HHIPL1: variants seen among roughly 807,000 people sequenced by gnomAD.
The protein encoded by HHIPL1 is HHIP-like protein 1.
A neutral mutation model predicts 61.8 loss-of-function variants in HHIPL1; 43 were observed. The ratio of observed to expected loss-of-function variants is 0.70; its 90% confidence interval spans 0.55 to 0.90. The LOEUF (loss-of-function observed/expected upper bound fraction) is 0.90, where lower values mean the gene tolerates loss of function less well. HHIPL1 is among the 40% of genes least tolerant of loss of function. HHIPL1 has a pLI of 0.00. For synonymous variants in HHIPL1, 482 were observed against 515.8 expected (o/e 0.93, Z 0.89); for missense variants, 1,056 against 1,157.7 (o/e 0.91, Z 1.28).
intron 6 of HHIPL1, among the ~76,000 whole-genome samples, chr14:99,664,045 T>A (rs1054881424): frequency 6.6e-6 from 1 of 152,130 alleles, no homozygotes; most frequent in Non-Finnish European, 1.5e-5. Flanking sequence ...CACTTGTCAA[T>A]GCAAGGGACA....
chr14:99,632,499 C>T, the HHIPL1 span, among the ~76,000 whole-genome samples: 1 of 152,172 alleles, frequency 6.6e-6, no homozygotes, highest in African/African-American at 2.4e-5. Context: ...CCCACATCTC[C>T]TCCTACCTCT....
At chr14:99,633,231 C>CAAGACCCTGCAGCCCAGAAGGT in the HHIPL1 span, among the ~76,000 whole-genome samples, 1 of 152,204 alleles carries the variant, frequency 6.6e-6, no homozygotes, top group Non-Finnish European at 1.5e-5. Flanking sequence ...GGAACCCCTG[C>CAAGACCCTGCAGCCCAGAAGGT]AAGACCCTGC....
chr14:99,665,268 T>A (rs1356815512), intron 6 of HHIPL1, among the ~76,000 whole-genome samples: 1 of 152,166 alleles, frequency 6.6e-6, no homozygotes, highest in Non-Finnish European at 1.5e-5. Context: ...TGCAGAAATG[T>A]GATTGGACAA....
At position 99,659,745 on chromosome 14, in the gene HHIPL1, A is replaced by G; in HGVS notation, c.1364A>G (p.Asn455Ser). The change falls in exon 4 of 9, where the codon AAC (asparagine) becomes AGC (serine). Residue 455 changes from asparagine (N) to serine (S), a missense_variant. Physicochemically the swap from Asn to Ser is conservative, Grantham distance 46. Coordinates refer to ENST00000330710, the MANE Select transcript of HHIPL1 (RefSeq NM_001127258.3). The part of the protein sequence containing the change: ...FECYDRSLCA[N>S]TSLNDLLPIF... ...TGCTACGACCGCAGCCTGTGCGCCA[A>G]CACCTCTCTCAGTGAGTGCCCGCGC... The G allele has an allele frequency of 7.0e-7, 1 of 1,431,910 alleles. No homozygotes were observed. The highest frequency in any genetic ancestry group is 9.1e-7 in the Non-Finnish European group (1 of 1,097,932). 88.7% of individuals were successfully genotyped at this position (1,431,910 alleles called of 1,614,324 possible).
intron 2 of HHIPL1, among the ~76,000 whole-genome samples, chr14:99,655,498 C>A (rs375020450): frequency 6.6e-6 from 1 of 152,190 alleles, no homozygotes; most frequent in South Asian, 2.1e-4. Context: ...GTGGCATGCA[C>A]CTGTAGTCTC....
the HHIPL1 span, among the ~76,000 whole-genome samples, chr14:99,611,328 C>T: frequency 6.7e-6 from 1 of 148,850 alleles, no homozygotes; most frequent in African/African-American, 2.5e-5. Flanking sequence ...GAGTCTCACT[C>T]TGTCACCCAG....
chr14:99,658,863 C>T (rs952531946), intron 3 of HHIPL1, among the ~76,000 whole-genome samples: 2 of 152,182 alleles, frequency 1.3e-5, no homozygotes, highest in Non-Finnish European at 1.5e-5. Context: ...GTCACAGTGC[C>T]GAGTACTGGA....
chr14:99,632,347 C>A, the HHIPL1 span, among the ~76,000 whole-genome samples: 1 of 152,308 alleles, frequency 6.6e-6, no homozygotes, highest in Non-Finnish European at 1.5e-5. Flanking sequence ...GAGCTCACTC[C>A]CTCTGGGGGA....
the HHIPL1 span, among the ~76,000 whole-genome samples, chr14:99,637,078 G>GAGAA: frequency 0.32 from 31,698 of 98,650 alleles, 5,748 homozygotes; most frequent in South Asian, 0.46. Flanking sequence ...AAGAAAGAGA[G>GAGAA]AGAAAGAAAG....
chr14:99,672,696 T>C (rs925683129), intron 8 of HHIPL1, among the ~76,000 whole-genome samples: 15 of 152,308 alleles, frequency 9.8e-5, no homozygotes, highest in African/African-American at 3.6e-4. Context: ...TGTATCTGTG[T>C]GTAAGCAAGG....
At chr14:99,650,123 G>T (rs553739778) in intron 1 of HHIPL1, among the ~76,000 whole-genome samples, 1 of 152,252 alleles carries the variant, frequency 6.6e-6, no homozygotes, top group South Asian at 2.1e-4. Context: ...GGGCCAGGAG[G>T]ACATGCTGTG....
At chr14:99,615,746 A>G in the HHIPL1 span, among the ~76,000 whole-genome samples, 1 of 152,072 alleles carries the variant, frequency 6.6e-6, no homozygotes, top group Non-Finnish European at 1.5e-5. Flanking sequence ...AAAAAAAGAC[A>G]TGAGATTCAG....
At chr14:99,643,783 G>T (rs9788569), upstream of HHIPL1, among the ~76,000 whole-genome samples, 4 of 152,198 alleles carry the variant, frequency 2.6e-5, no homozygotes, top group East Asian at 7.7e-4. Context: ...GGGAGAAGCC[G>T]GGGTATTTCT....
At chr14:99,612,758 C>T in the HHIPL1 span, among the ~76,000 whole-genome samples, 1 of 152,154 alleles carries the variant, frequency 6.6e-6, no homozygotes, top group East Asian at 1.9e-4. Context: ...CTCTGGGACT[C>T]TCAGTGCCTG....
rs1282332109 is a variant in HHIPL1 at position 99,645,474 on chromosome 14, C to T, written c.255+12C>T. On this transcript the variant is annotated intron_variant, in intron 1 of 8. Transcript: ENST00000330710. ...ACCTGCTGTGCCAGGTGAGCGGGCG[C>T]GCGGCCACCGGGCGGGGCGGGGCGC... The T allele has an allele frequency of 3.1e-6, 4 of 1,272,176 alleles. No homozygotes were observed. The highest frequency in any genetic ancestry group is 2.8e-5 in the South Asian group (1 of 35,518). 78.8% of individuals were successfully genotyped at this position (1,272,176 alleles called of 1,614,324 possible). A position where few individuals can be genotyped will look rare whatever the true frequency, so the allele number is the denominator to read the frequency against.
At chr14:99,656,081 G>A (rs2056022411) in intron 2 of HHIPL1, among the ~76,000 whole-genome samples, 1 of 152,236 alleles carries the variant, frequency 6.6e-6, no homozygotes, top group South Asian at 2.1e-4. Context: ...AGTAGGGTGA[G>A]TGTGGCGCTG....
chr14:99,630,966 T>C, the HHIPL1 span, among the ~76,000 whole-genome samples: 1 of 152,186 alleles, frequency 6.6e-6, no homozygotes, highest in African/African-American at 2.4e-5. Flanking sequence ...AAATGTCCCC[T>C]TCTGATAAGA....
Position 99,652,593 on chromosome 14 carries a change from T to G in HHIPL1, c.625T>G (p.Phe209Val). ...MVHARDGTHR[F>V]FVAEQVGLVW... ...CCATGCCAGGGATGGCACCCACCGC[T>G]TCTTCGTGGCCGAGCAGGTGGGGCT... Residue 209 changes from phenylalanine to valine, a missense_variant, in exon 2 of 9, where the codon TTC (phenylalanine) becomes GTC (valine). Physicochemically the swap from Phe to Val is conservative, Grantham distance 50. Coordinates refer to ENST00000330710, the MANE Select transcript of HHIPL1 (RefSeq NM_001127258.3). 1 of 1,613,274 alleles carries G rather than the reference T, an allele frequency of 6.2e-7. No individual in the cohort carries two copies. Among genetic ancestry groups the G allele is most frequent in the Non-Finnish European group, 8.5e-7 (1 of 1,179,840 alleles).
chr14:99,648,203 C>T (rs74529042), intron 1 of HHIPL1, among the ~76,000 whole-genome samples: 1 of 152,126 alleles, frequency 6.6e-6, no homozygotes, highest in African/African-American at 2.4e-5. Context: ...AGTGTAGGAA[C>T]AAGGCCACAT....
Sources: allele counts gnomAD v4.1 joint callset (sites outside exome capture counted in the v4.1 genomes callset), GRCh38; gene constraint gnomAD v4.1.1; transcripts MANE v1.5; gene names NCBI Gene and HGNC (gene_info 2026-07-23, HGNC 2026-07-21).